The following RNLS variants were observed in gnomAD, a reference collection of about 807,000 sequenced individuals.
RNLS encodes the protein renalase.
A neutral mutation model predicts 39.8 loss-of-function variants in RNLS; 39 were observed. The ratio of observed to expected loss-of-function variants is 0.98; its 90% confidence interval spans 0.76 to 1.28. The LOEUF is 1.28. RNLS is among the 50% of genes most tolerant of loss of function. The probability of loss-of-function intolerance (pLI) is 0.00; values close to 1 mark genes in which losing one functional copy is unlikely to be tolerated. For missense variants in RNLS, 410 were observed against 413.3 expected, an observed-to-expected ratio of 0.99 and a Z score of 0.07; for synonymous variants, 147 against 150.7, an observed-to-expected ratio of 0.98 and a Z score of 0.18.
intron 4 of RNLS, among the ~76,000 whole-genome samples, chr10:88,523,954 T>A (rs570598267): frequency 1.3e-5 from 2 of 152,138 alleles, no homozygotes; most frequent in Non-Finnish European, 2.9e-5. Context: ...AGCTGTAACA[T>A]TGAACAATAT....
At chr10:88,268,510 C>A in the RNLS span, among the ~76,000 whole-genome samples, 1 of 152,158 alleles carries the variant, frequency 6.6e-6, no homozygotes, top group Non-Finnish European at 1.5e-5. Flanking sequence ...CCCCTGCATG[C>A]TGTATATCTC....
chr10:88,388,010 C>T (rs1311911118), intron 4 of RNLS, among the ~76,000 whole-genome samples: 1 of 152,102 alleles, frequency 6.6e-6, no homozygotes, highest in African/African-American at 2.4e-5. Context: ...GAGGGCAGTC[C>T]TGAATATATT....
the RNLS span, among the ~76,000 whole-genome samples, chr10:88,215,178 T>C: frequency 4.0e-5 from 6 of 151,578 alleles, no homozygotes; most frequent in Admixed American, 1.3e-4. Flanking sequence ...TTAATTATAG[T>C]ACAATTAATA....
At chr10:88,204,970 C>T in the RNLS span, among the ~76,000 whole-genome samples, 2 of 152,084 alleles carry the variant, frequency 1.3e-5, no homozygotes, top group African/African-American at 4.8e-5. Flanking sequence ...GTGGTGAATG[C>T]TATGATAGAA....
intron 4 of RNLS, among the ~76,000 whole-genome samples, chr10:88,413,024 C>T (rs1418527824): frequency 6.6e-6 from 1 of 152,130 alleles, no homozygotes; most frequent in East Asian, 1.9e-4. Flanking sequence ...TTTAAGGAAT[C>T]TCTTATGCTC....
At chr10:88,558,304 T>G (rs1797060224) in intron 4 of RNLS, among the ~76,000 whole-genome samples, 2 of 152,184 alleles carry the variant, frequency 1.3e-5, no homozygotes, top group African/African-American at 4.8e-5. Context: ...ATTTCTCACT[T>G]TCCTCCTCTA....
chr10:88,325,415 T>C (rs376164359), intron 5 of RNLS, among the ~76,000 whole-genome samples: 2 of 152,302 alleles, frequency 1.3e-5, no homozygotes, highest in Non-Finnish European at 2.9e-5. Context: ...CGAATGTTGA[T>C]AAAAACAGCA....
chr10:88,464,542 T>C (rs1046354549), intron 4 of RNLS, among the ~76,000 whole-genome samples: 1 of 152,036 alleles, frequency 6.6e-6, no homozygotes, highest in Non-Finnish European at 1.5e-5. Flanking sequence ...TACAGAAACA[T>C]TTATATCTCA....
the RNLS span, among the ~76,000 whole-genome samples, chr10:88,210,310 A>C: frequency 5.9e-5 from 9 of 152,192 alleles, no homozygotes; most frequent in African/African-American, 1.9e-4. Context: ...TGATCCCTAC[A>C]AATTATGACC....
the RNLS span, among the ~76,000 whole-genome samples, chr10:88,214,053 C>CT: frequency 3.9e-4 from 59 of 152,180 alleles, no homozygotes; most frequent in Non-Finnish European, 4.4e-5. Context: ...CATTTCTCGG[C>CT]TCTGTCTTCT....
chr10:88,527,211 T>A (rs974548964), intron 4 of RNLS, among the ~76,000 whole-genome samples: 9 of 152,094 alleles, frequency 5.9e-5, no homozygotes, highest in Admixed American at 3.3e-4. Flanking sequence ...CCCAGCTTCA[T>A]TTTGCCAGAC....
At chr10:88,403,631 A>C (rs940316005) in intron 4 of RNLS, among the ~76,000 whole-genome samples, 24 of 152,092 alleles carry the variant, frequency 1.6e-4, no homozygotes, top group Non-Finnish European at 2.9e-4. Flanking sequence ...TTTATATAAT[A>C]AGCTTTAAAA....
intron 6 of RNLS, among the ~76,000 whole-genome samples, chr10:88,295,277 CCTT>C (rs1217795079): frequency 1.3e-5 from 2 of 151,996 alleles, no homozygotes; most frequent in East Asian, 1.9e-4. Flanking sequence ...TTTTAGGTAT[CCTT>C]CTTTGATAAT....
At chr10:88,295,859 T>C (rs1844057908) in intron 6 of RNLS, among the ~76,000 whole-genome samples, 1 of 152,326 alleles carries the variant, frequency 6.6e-6, no homozygotes, top group Middle Eastern at 3.4e-3. Flanking sequence ...ATCTATTCTA[T>C]CTTTTAAAAC....
chr10:88,207,846 C>T, the RNLS span, among the ~76,000 whole-genome samples: 1 of 152,148 alleles, frequency 6.6e-6, no homozygotes, highest in African/African-American at 2.4e-5. Context: ...CCAGAAATTC[C>T]TGTGCTGATC....
downstream of RNLS, among the ~76,000 whole-genome samples, chr10:88,279,326 T>G (rs529070528): frequency 1.4e-4 from 22 of 152,264 alleles, no homozygotes; most frequent in Non-Finnish European, 1.9e-4. Flanking sequence ...ACTATTATAA[T>G]AGTAATAATA....
Position 88,275,380 on chromosome 10 carries a change from C to G in RNLS, c.877-348G>C, listed in dbSNP as rs780400667. On this transcript the variant is annotated intron_variant, in intron 6 of 6. Transcript: ENST00000371947. ...AAAAATTAACATATTCCTTTGAATG[C>G]AGGTCTCAGTTTTAATACATTTTAA... Among the ~76,000 whole-genome samples, 186 of 152,064 alleles carry G rather than the reference C, an allele frequency of 1.2e-3. 2 individuals carry two copies. The highest frequency in any genetic ancestry group is 2.4e-3 in the Non-Finnish European group (162 of 68,026).
chr10:88,395,005 T>G (rs955371267), intron 4 of RNLS, among the ~76,000 whole-genome samples: 7 of 151,822 alleles, frequency 4.6e-5, no homozygotes, highest in Admixed American at 6.6e-5. Context: ...AGAACACATG[T>G]ACACAGGAAG....
chr10:88,442,167 T>A (rs139027790), intron 4 of RNLS, among the ~76,000 whole-genome samples: 52 of 152,356 alleles, frequency 3.4e-4, no homozygotes, highest in African/African-American at 1.1e-3. Flanking sequence ...TTCTCTTATA[T>A]GTAGGATAAT....
Sources: allele counts gnomAD v4.1 joint callset (sites outside exome capture counted in the v4.1 genomes callset), GRCh38; gene constraint gnomAD v4.1.1; transcripts MANE v1.5; gene names NCBI Gene and HGNC (gene_info 2026-07-23, HGNC 2026-07-21).